The following MTCL1 variants were observed in gnomAD, a reference collection of about 807,000 sequenced individuals.
The protein encoded by MTCL1 is microtubule crosslinking factor 1.
MTCL1 carries 79 observed loss-of-function variants against 141.4 expected under a neutral mutation model. The ratio of observed to expected loss-of-function variants is 0.56; its 90% CI spans 0.47 to 0.67. MTCL1 has a LOEUF of 0.67. Ranked by LOEUF, MTCL1 falls within the 30% of genes least tolerant of loss-of-function variation. The pLI, the probability that MTCL1 is intolerant of heterozygous loss-of-function variation, is 0.00. For missense variants in MTCL1, 2,177 were observed against 2,113.9 expected (o/e 1.03, Z -0.59); for synonymous variants, 914 against 875.8 (o/e 1.04, Z -0.77).
rs148333714 is a variant in MTCL1, at chr18:8,727,528, A to G, written c.357+7032A>G. On this transcript the variant is annotated intron_variant, in intron 4 of 16. Coordinates refer to ENST00000359865, the Ensembl canonical transcript of MTCL1. ...ATATCTCATTGTGGTTTTAATTTGCATTTCTCTGATGATTAGTGATGTGGA... is the reference window on the plus strand; with the variant it reads ...ATATCTCATTGTGGTTTTAATTTGCGTTTCTCTGATGATTAGTGATGTGGA... Among the ~76,000 whole-genome samples the G allele has an allele frequency of 3.1e-3, 472 of 152,184 alleles. 5 individuals are homozygous for G. Among genetic ancestry groups the G allele is most frequent in the Middle Eastern group, 0.027 (8 of 294 alleles).
intron 4 of MTCL1, among the ~76,000 whole-genome samples, chr18:8,760,662 TTTC>T (rs1190773227): frequency 1.3e-5 from 2 of 152,250 alleles, no homozygotes; most frequent in African/African-American, 4.8e-5. Flanking sequence ...TACTCCTTTC[TTTC>T]TTTTTTCTTC....
chr18:8,829,028 G>T, intron 16 of MTCL1: 2 of 1,612,620 alleles, frequency 1.2e-6, no homozygotes, highest in Non-Finnish European at 8.5e-7. Context: ...CTCGCAGTTG[G>T]CACCTGACGC....
intron 11 of MTCL1, among the ~76,000 whole-genome samples, chr18:8,808,769 T>G (rs1347093981): frequency 2.6e-5 from 4 of 152,252 alleles, no homozygotes; most frequent in Non-Finnish European, 4.4e-5. Context: ...TTGCTCTAAA[T>G]GTTGAACATC....
chr18:8,718,384 T>A (rs746775564), intron 2 of MTCL1, 40 bp from the exon 2 acceptor site: 1 of 1,581,912 alleles, frequency 6.3e-7, no homozygotes, highest in Non-Finnish European at 8.7e-7. Context: ...CCTTTTTTGA[T>A]GTACTTGGCT....
In MTCL1 at chr18:8,830,615, CT is replaced by C; in HGVS notation, c.*19-990del. On this transcript the variant is annotated intron_variant, in intron 16 of 16. Coordinates refer to ENST00000359865, the Ensembl canonical transcript of MTCL1. This position sits in a 1 kb window ranked among gnomAD's most constrained non-coding sequence, Gnocchi z 6.4. The stretch of plus-strand genomic sequence containing the variant: ...ACATCTTTTTAAATCCTCCAACTCA[CT>C]TCCTTTCTTTGAGGGTCCTTGTTCT... The C allele has an allele frequency of 2.0e-6, 2 of 985,836 alleles. No individual in the cohort carries two copies. Among genetic ancestry groups the C allele is most frequent in the Non-Finnish European group, 2.4e-6 (2 of 830,202 alleles). The allele number at this position is 985,836 out of a possible 1,614,324, so 61.1% of individuals were successfully genotyped here.
chr18:8,819,284 G>C (rs1455028841), intron 13 of MTCL1, 25 bp downstream of exon 12: 2 of 1,609,516 alleles, frequency 1.2e-6, no homozygotes, highest in Non-Finnish European at 1.7e-6. Context: ...GTCCATCCTA[G>C]TTAACCACTG....
chr18:8,792,659 C>A (rs146501954), intron 7 of MTCL1, among the ~76,000 whole-genome samples: 1 of 152,210 alleles, frequency 6.6e-6, no homozygotes, highest in Non-Finnish European at 1.5e-5. Context: ...ACCATCCCGG[C>A]GTCCAGAAGC....
In MTCL1 at chr18:8,831,437, T is replaced by A. The variant is rs4798692; in HGVS notation, c.*19-170T>A. 5.4e-3 allele frequency: 7,750 copies of A among 1,428,936 alleles called. 24 individuals are homozygous for A. The highest frequency in any genetic ancestry group is 7.1e-3 in the Middle Eastern group (38 of 5,352). 88.5% of individuals were successfully genotyped at this position (1,428,936 alleles called of 1,614,324 possible). A position where few individuals can be genotyped will look rare whatever the true frequency, so the allele number is the denominator to read the frequency against. ...TCACTGATCATTTGTGTTGAATTCTTTATTATTTTAAGTTATTCTGCATGA... is the reference window on the plus strand; with the variant it reads ...TCACTGATCATTTGTGTTGAATTCTATATTATTTTAAGTTATTCTGCATGA... On this transcript the variant is annotated intron_variant, in intron 16 of 16. Transcript: ENST00000359865.
At chr18:8,786,404 T>C (rs1324055715) in intron 7 of MTCL1, 1 of 568,952 alleles carries the variant, frequency 1.8e-6, no homozygotes. Context: ...TGGCTTCTTG[T>C]CCAGTCGCAG....
At chr18:8,775,079 C>G (rs1459496252) in intron 4 of MTCL1, among the ~76,000 whole-genome samples, 1 of 152,144 alleles carries the variant, frequency 6.6e-6, no homozygotes, top group East Asian at 1.9e-4. Flanking sequence ...GTCTCCAGTT[C>G]TAGCTTTCAT....
At chr18:8,740,592 C>G (rs2096297256) in intron 4 of MTCL1, among the ~76,000 whole-genome samples, 1 of 152,222 alleles carries the variant, frequency 6.6e-6, no homozygotes, top group African/African-American at 2.4e-5. Flanking sequence ...AAGCGATTTT[C>G]CTGCCTCAGC....
chr18:8,790,045 A>G (rs1165367859), intron 7 of MTCL1, among the ~76,000 whole-genome samples: 1 of 152,240 alleles, frequency 6.6e-6, no homozygotes, highest in East Asian at 1.9e-4. Flanking sequence ...GAGGATCTAA[A>G]CCTGTCTGCT....
chr18:8,828,836 A>T lies in MTCL1; in HGVS notation c.4723-72A>T. The T allele has an allele frequency of 6.2e-7, 1 of 1,610,834 alleles. No individual in the cohort carries two copies. The highest frequency in any genetic ancestry group is 8.5e-7 in the Non-Finnish European group (1 of 1,179,102). ...CCGGGCTTGCTGACTTTAAACCTTT[A>T]TTGTTCTCCTGTTTAAAAAACACTT... On this transcript the variant is annotated intron_variant, in intron 15 of 16. Transcript: ENST00000359865. This position sits in a 1 kb window ranked among gnomAD's most constrained non-coding sequence, Gnocchi z 5.2.
At chr18:8,726,966 A>G (rs543734437) in intron 4 of MTCL1, among the ~76,000 whole-genome samples, 59 of 152,110 alleles carry the variant, frequency 3.9e-4, no homozygotes, top group Non-Finnish European at 6.9e-4. Context: ...CTCCCCGCTT[A>G]AGGACTCCCC....
intron 9 of MTCL1, among the ~76,000 whole-genome samples, chr18:8,796,864 C>T (rs966555431): frequency 1.3e-5 from 2 of 152,194 alleles, no homozygotes; most frequent in Admixed American, 6.5e-5. Flanking sequence ...GTTGCCTACT[C>T]AATGTCTACT....
chr18:8,725,914 G>A (rs570141334), intron 4 of MTCL1, among the ~76,000 whole-genome samples: 196 of 149,730 alleles, frequency 1.3e-3, no homozygotes, highest in Non-Finnish European at 2.4e-3. Context: ...CTCAGCCTCC[G>A]GAGCAGCTGG....
At chr18:8,729,665 A>G (rs185233388) in intron 4 of MTCL1, among the ~76,000 whole-genome samples, 2,971 of 90,964 alleles carry the variant, frequency 0.033, 123 homozygotes, top group African/African-American at 0.12. Flanking sequence ...TGGCTTCCCA[A>G]GAAGACAAAT....
intron 11 of MTCL1, chr18:8,811,369 A>G (rs603403): frequency 0.34 from 52,048 of 152,136 alleles, 9,574 homozygotes; most frequent in East Asian, 0.64. Flanking sequence ...CAGTCCACCC[A>G]CATGACCCAG....
chr18:8,709,777 G>A (rs1259760143), intron 1 of MTCL1, among the ~76,000 whole-genome samples: 3 of 152,140 alleles, frequency 2.0e-5, no homozygotes, highest in South Asian at 2.1e-4. Flanking sequence ...GATATTCTTC[G>A]GATCAGGACA....
Sources: allele counts gnomAD v4.1 joint callset (sites outside exome capture counted in the v4.1 genomes callset), GRCh38; gene constraint gnomAD v4.1.1; non-coding constraint Gnocchi (gnomAD v3.1); transcripts MANE v1.5; gene names NCBI Gene and HGNC (gene_info 2026-07-23, HGNC 2026-07-21).